ERBB4: variants seen among roughly 807,000 people sequenced by gnomAD.
ERBB4 encodes erb-b2 receptor tyrosine kinase 4, also known as receptor tyrosine-protein kinase erbB-4.
A neutral mutation model predicts 158.0 loss-of-function variants in ERBB4; 42 were observed. The observed-to-expected ratio is 0.27, with a 90% CI of 0.21 to 0.34. The LOEUF (loss-of-function observed/expected upper bound fraction) is 0.34. ERBB4 is among the 10% of genes least tolerant of loss of function. ERBB4 has a pLI of 1.00. For missense variants in ERBB4, 1,333 were observed against 1,624.1 expected (o/e 0.82, Z 3.08); for synonymous variants, 583 against 558.7 (o/e 1.04, Z -0.61).
At chr2:212,206,782 G>GT (rs1449260705) in intron 1 of ERBB4, among the ~76,000 whole-genome samples, 1 of 151,672 alleles carries the variant, frequency 6.6e-6, no homozygotes, top group Non-Finnish European at 1.5e-5. Flanking sequence ...TAGAGACGGG[G>GT]TTTCACCGTG....
chr2:211,580,889 A>AGATT (rs1185266020), intron 19 of ERBB4, among the ~76,000 whole-genome samples: 6 of 73,164 alleles, frequency 8.2e-5, no homozygotes, highest in Non-Finnish European at 6.8e-5. Flanking sequence ...ATATATATAT[A>AGATT]TATATATATA....
chr2:212,144,113 G>A (rs2080581994), intron 1 of ERBB4, among the ~76,000 whole-genome samples: 1 of 151,950 alleles, frequency 6.6e-6, no homozygotes, highest in Non-Finnish European at 1.5e-5. Context: ...TTGAAACTGT[G>A]GCTGATTTAG....
At chr2:212,447,241 T>G (rs2092375185) in intron 1 of ERBB4, among the ~76,000 whole-genome samples, 1 of 151,936 alleles carries the variant, frequency 6.6e-6, no homozygotes, top group Non-Finnish European at 1.5e-5. Context: ...TTGTGATTCG[T>G]GCACCTCGGT....
chr2:211,942,611 T>C (rs2125124942), intron 3 of ERBB4, among the ~76,000 whole-genome samples: 1 of 152,254 alleles, frequency 6.6e-6, no homozygotes, highest in East Asian at 1.9e-4. Flanking sequence ...GGTATTCTAC[T>C]TTTTGTTTTA....
In ERBB4 at chr2:211,738,361, G is replaced by GTTTTTTT. The variant is rs10535592; in HGVS notation, c.622+12271_622+12277dup. Among the ~76,000 whole-genome samples the GTTTTTTT allele has an allele frequency of 1.0e-3, 139 of 135,426 alleles. 1 individual carries two copies. The highest frequency in any genetic ancestry group is 4.9e-3 in the Middle Eastern group (1 of 204). 88.8% of individuals were successfully genotyped at this position (135,426 alleles called of 152,430 possible). ...TTAAAGTAATTTTTCCTTTGTTTTT[G>GTTTTTTT]TTTTTTTTTTTTTTTTTTTTTTTTT... On this transcript the variant is annotated intron_variant, in intron 5 of 27. Coordinates refer to ENST00000342788, the MANE Select transcript of ERBB4 (RefSeq NM_005235.3).
At chr2:211,832,125 C>T (rs1213403450) in intron 3 of ERBB4, among the ~76,000 whole-genome samples, 4 of 152,056 alleles carry the variant, frequency 2.6e-5, no homozygotes, top group South Asian at 2.1e-4. Context: ...ATTCATATAG[C>T]TACTGTAGCT....
intron 2 of ERBB4, among the ~76,000 whole-genome samples, chr2:212,034,686 T>C (rs1283546400): frequency 4.6e-5 from 7 of 152,286 alleles, no homozygotes; most frequent in African/African-American, 1.7e-4. Flanking sequence ...CAGCTTTAGT[T>C]TAACAAATGT....
chr2:212,264,991 T>C (rs1480716222), intron 1 of ERBB4, among the ~76,000 whole-genome samples: 1 of 152,098 alleles, frequency 6.6e-6, no homozygotes, highest in East Asian at 1.9e-4. Flanking sequence ...ACTGTCTCTA[T>C]TCTTCCCCTG....
chr2:211,459,239 C>T (rs2064465459), intron 20 of ERBB4, among the ~76,000 whole-genome samples: 1 of 152,064 alleles, frequency 6.6e-6, no homozygotes, highest in Non-Finnish European at 1.5e-5. Context: ...CAATCTTGTT[C>T]CAAAAAAAGA....
intron 1 of ERBB4, among the ~76,000 whole-genome samples, chr2:212,406,126 C>T (rs2091337339): frequency 6.6e-6 from 1 of 152,198 alleles, no homozygotes; most frequent in South Asian, 2.1e-4. Context: ...GTCTCTATTT[C>T]TGATTTTATT....
intron 2 of ERBB4, among the ~76,000 whole-genome samples, chr2:212,099,584 G>C (rs1358612205): frequency 6.6e-6 from 1 of 152,102 alleles, no homozygotes. Context: ...CCATAGATAT[G>C]AAATGATGAC....
At chr2:211,735,222 T>TTA (rs2074566493) in intron 5 of ERBB4, among the ~76,000 whole-genome samples, 3 of 150,430 alleles carry the variant, frequency 2.0e-5, no homozygotes, top group African/African-American at 7.3e-5. Context: ...CACATGAATT[T>TTA]AAAAAAAAAA....
chr2:211,760,939 C>G (rs2075394211), intron 4 of ERBB4, among the ~76,000 whole-genome samples: 1 of 152,220 alleles, frequency 6.6e-6, no homozygotes, highest in East Asian at 1.9e-4. Flanking sequence ...GGCGTGGTGT[C>G]TCACGCCTAT....
At chr2:211,888,428 C>T (rs2078862884) in intron 3 of ERBB4, among the ~76,000 whole-genome samples, 1 of 152,180 alleles carries the variant, frequency 6.6e-6, no homozygotes, top group Non-Finnish European at 1.5e-5. Context: ...TGTACACACA[C>T]ATATATTCAC....
intron 20 of ERBB4, among the ~76,000 whole-genome samples, chr2:211,452,427 C>T (rs538690281): frequency 4.3e-4 from 65 of 152,196 alleles, no homozygotes; most frequent in African/African-American, 1.4e-3. Flanking sequence ...CCACCCACCT[C>T]GGCCTCTCAA....
intron 1 of ERBB4, among the ~76,000 whole-genome samples, chr2:212,229,664 A>G (rs1053267452): frequency 6.6e-6 from 1 of 152,150 alleles, no homozygotes; most frequent in Non-Finnish European, 1.5e-5. Flanking sequence ...GCTAGAAGGG[A>G]AGTTTAGGGC....
chr2:212,155,533 G>A (rs1269801799), intron 1 of ERBB4, among the ~76,000 whole-genome samples: 4 of 151,930 alleles, frequency 2.6e-5, no homozygotes, highest in African/African-American at 4.8e-5. Flanking sequence ...GGGTGGAGGC[G>A]GCACCCATAA....
chr2:211,384,585 TG>T (rs2062645263), intron 27 of ERBB4, among the ~76,000 whole-genome samples: 1 of 152,092 alleles, frequency 6.6e-6, no homozygotes, highest in Admixed American at 6.6e-5. Flanking sequence ...AGGATTTAAT[TG>T]GAGATGCTTC....
intron 2 of ERBB4, chr2:211,960,770 TGAG>T (rs1351409534): frequency 2.0e-5 from 3 of 152,080 alleles, no homozygotes; most frequent in African/African-American, 4.8e-5. Context: ...ATTCCATTCA[TGAG>T]GAGTCTACTC....
Sources: gnomAD v4.1 joint callset for allele counts (sites outside exome capture counted in the v4.1 genomes callset) on GRCh38, gnomAD v4.1.1 for gene constraint, MANE v1.5 for transcripts, NCBI Gene and HGNC (gene_info 2026-07-23, HGNC 2026-07-21) for gene names.